The following MAGI1 variants were observed in gnomAD, a reference collection of about 807,000 sequenced individuals.
The protein encoded by MAGI1 is membrane associated guanylate kinase, WW and PDZ domain containing 1, also known as membrane-associated guanylate kinase, WW and PDZ domain-containing protein 1.
MAGI1 carries 58 observed loss-of-function variants against 139.9 expected under a neutral mutation model. The ratio of observed to expected loss-of-function variants is 0.41; its 90% CI spans 0.34 to 0.52. The LOEUF (loss-of-function observed/expected upper bound fraction) is 0.52. Among genes scored for constraint, MAGI1 ranks in the 20% least tolerant of loss-of-function variants. The probability of loss-of-function intolerance (pLI) is 0.12; values close to 1 mark genes in which losing one functional copy is unlikely to be tolerated. For synonymous variants in MAGI1, 812 were observed against 737.9 expected, an observed-to-expected ratio of 1.10 and a Z score of -1.63; for missense variants, 1,874 against 1,901.6, an observed-to-expected ratio of 0.99 and a Z score of 0.27.
intron 1 of MAGI1, among the ~76,000 whole-genome samples, chr3:65,652,722 A>T (rs1453403202): frequency 6.6e-6 from 1 of 152,152 alleles, no homozygotes; most frequent in Non-Finnish European, 1.5e-5. Flanking sequence ...TTTAGGAATC[A>T]CCTGAGTTTT....
chr3:65,473,746 GA>G (rs5849676), intron 4 of MAGI1, among the ~76,000 whole-genome samples: 44,419 of 147,252 alleles, frequency 0.3, 7,954 homozygotes, highest in East Asian at 0.74. Flanking sequence ...TTTCCTGGAG[GA>G]AAAAAAAAAA....
chr3:65,729,020 T>C (rs528514792), intron 1 of MAGI1, among the ~76,000 whole-genome samples: 3 of 150,636 alleles, frequency 2.0e-5, no homozygotes, highest in South Asian at 2.1e-4. Flanking sequence ...TTAAATCAAG[T>C]TTTGCAAAAA....
chr3:65,654,376 T>C (rs2085750516), intron 1 of MAGI1, among the ~76,000 whole-genome samples: 1 of 152,210 alleles, frequency 6.6e-6, no homozygotes, highest in Admixed American at 6.5e-5. Context: ...CCAGTGAATC[T>C]GTTAAGTGTT....
Position 65,688,354 on chromosome 3 carries a change from C to A in MAGI1, c.314-66266G>T, listed in dbSNP as rs529313876. 1.9e-5 allele frequency: 12 copies of A among 646,026 alleles called. No homozygotes were observed. The African/African-American group carries it at 2.2e-4, about 12-fold the overall frequency. The allele number at this position is 646,026 out of a possible 1,614,324, so 40.0% of individuals were successfully genotyped here. A position where few individuals can be genotyped will look rare whatever the true frequency, so the allele number is the denominator to read the frequency against. ...TCTACCTGGGATGGAGTGATAGTAA[C>A]ACCTTCAGAAAAGGCTTACAGTAGT... is the stretch of plus-strand genomic sequence containing the variant. On this transcript the variant is annotated intron_variant, in intron 1 of 22. Coordinates refer to ENST00000402939, the MANE Select transcript of MAGI1 (RefSeq NM_001033057.2).
chr3:65,590,619 C>T (rs1405080123), intron 2 of MAGI1, among the ~76,000 whole-genome samples: 2 of 152,188 alleles, frequency 1.3e-5, no homozygotes, highest in Non-Finnish European at 2.9e-5. Context: ...CCCCCCCATT[C>T]GTCTTTAATT....
chr3:65,876,161 T>C (rs2060109104), intron 1 of MAGI1, among the ~76,000 whole-genome samples: 1 of 150,304 alleles, frequency 6.7e-6, no homozygotes, highest in Admixed American at 6.6e-5. Context: ...ATTCACGTCA[T>C]AAAAAAGCAA....
chr3:65,871,031 C>A (rs555047564), intron 1 of MAGI1, among the ~76,000 whole-genome samples: 1 of 152,210 alleles, frequency 6.6e-6, no homozygotes, highest in South Asian at 2.1e-4. Context: ...CTCTGCCTCC[C>A]GGATTCAATT....
At chr3:65,402,614 T>C (rs567623063) in intron 12 of MAGI1, among the ~76,000 whole-genome samples, 21 of 152,108 alleles carry the variant, frequency 1.4e-4, no homozygotes, top group Non-Finnish European at 2.6e-4. Flanking sequence ...TTTCAACCTG[T>C]TTTTCAAAGT....
chr3:65,784,104 C>A (rs982356411), intron 1 of MAGI1, among the ~76,000 whole-genome samples: 2 of 150,270 alleles, frequency 1.3e-5, no homozygotes, highest in African/African-American at 2.4e-5. Flanking sequence ...GCCTGGGCAA[C>A]AGAGTGAGAC....
intron 3 of MAGI1, among the ~76,000 whole-genome samples, 191 bp downstream of exon 3, chr3:65,493,321 C>G (rs1450055127): frequency 6.6e-6 from 1 of 152,156 alleles, no homozygotes; most frequent in Non-Finnish European, 1.5e-5. Context: ...AAAACTAAAA[C>G]TATTTTTAAA....
At chr3:65,730,225 G>A (rs903513021) in intron 1 of MAGI1, among the ~76,000 whole-genome samples, 2 of 152,120 alleles carry the variant, frequency 1.3e-5, no homozygotes, top group African/African-American at 4.8e-5. Context: ...AGCTTAAACA[G>A]TTAGTGGCTT....
At chr3:65,550,250 G>T (rs1333710825) in intron 2 of MAGI1, among the ~76,000 whole-genome samples, 2 of 152,170 alleles carry the variant, frequency 1.3e-5, no homozygotes, top group African/African-American at 4.8e-5. Flanking sequence ...TTAAAGATCA[G>T]AAAGACAAAG....
chr3:65,859,036 A>G (rs1431405280), intron 1 of MAGI1, among the ~76,000 whole-genome samples: 1 of 152,226 alleles, frequency 6.6e-6, no homozygotes. Flanking sequence ...TATGTGCTTT[A>G]AAAATGCTAA....
intron 11 of MAGI1, 103 bp from the exon 12 acceptor site, chr3:65,430,243 G>A (rs1575716312): frequency 8.4e-7 from 1 of 1,188,904 alleles, no homozygotes; most frequent in East Asian, 2.5e-5. Context: ...GAAACTGCAT[G>A]TGGGTGTGAT....
chr3:65,379,223 G>A, intron 17 of MAGI1, 38 bp downstream of exon 17: 1 of 1,607,530 alleles, frequency 6.2e-7, no homozygotes, highest in Non-Finnish European at 8.5e-7. Flanking sequence ...TCCCAGGCAT[G>A]GTGGGAAACC....
intron 1 of MAGI1, among the ~76,000 whole-genome samples, chr3:65,861,805 G>A (rs1198913166): frequency 6.6e-6 from 1 of 152,150 alleles, no homozygotes; most frequent in Non-Finnish European, 1.5e-5. Context: ...CGTCTAAAAT[G>A]TGGATCTAAC....
chr3:65,449,930 T>TC (rs1948926480), intron 6 of MAGI1, among the ~76,000 whole-genome samples: 1 of 152,200 alleles, frequency 6.6e-6, no homozygotes. Context: ...ATGGAAAAAT[T>TC]CCCTGAAGTA....
chr3:65,872,957 G>A (rs1324327733), intron 1 of MAGI1: 2 of 152,160 alleles, frequency 1.3e-5, no homozygotes, highest in Non-Finnish European at 2.9e-5. Context: ...GGGTACTTAT[G>A]ATGTTCCATA....
At chr3:65,694,881 T>C (rs925737076) in intron 1 of MAGI1, among the ~76,000 whole-genome samples, 13 of 152,340 alleles carry the variant, frequency 8.5e-5, no homozygotes, top group African/African-American at 1.2e-4. Flanking sequence ...GCTGAGATAA[T>C]TGGTTTTCTT....
Sources: gnomAD v4.1 joint callset for allele counts (sites outside exome capture counted in the v4.1 genomes callset) on GRCh38, gnomAD v4.1.1 for gene constraint, MANE v1.5 for transcripts, NCBI Gene and HGNC (gene_info 2026-07-23, HGNC 2026-07-21) for gene names.